The following ITGAV variants were observed in gnomAD, a reference collection of about 807,000 sequenced individuals.
The protein encoded by ITGAV is integrin subunit alpha V.
In ITGAV, 76 loss-of-function variants were observed where a neutral mutation model predicts 143.8. The observed-to-expected ratio is 0.53, with a 90% CI of 0.44 to 0.64. The LOEUF is 0.64. Among genes scored for constraint, ITGAV ranks in the 30% least tolerant of loss-of-function variants. The pLI, the probability that ITGAV is intolerant of heterozygous loss-of-function variation, is 0.00. For missense variants in ITGAV, 1,193 were observed against 1,274.7 expected (o/e 0.94, Z 0.98); for synonymous variants, 453 against 446.7 (o/e 1.01, Z -0.18).
chr2:186,667,574 TTTTA>T (rs1559067722), intron 23 of ITGAV, 93 bp from the exon 24 acceptor site: 3 of 564,438 alleles, frequency 5.3e-6, no homozygotes, highest in South Asian at 4.1e-5. Flanking sequence ...TTAAATCTAA[TTTTA>T]TTTATTTGAG....
In ITGAV at chr2:186,680,357, T is replaced by G. The variant is rs1271183522; in HGVS notation, c.*3065T>G. 6.6e-6 allele frequency: 1 copy of G among 152,574 alleles called. No homozygotes were observed. The highest frequency in any genetic ancestry group is 1.5e-5 in the Non-Finnish European group (1 of 67,984). 9.5% of individuals were successfully genotyped at this position (152,574 alleles called of 1,614,324 possible). ...TTTGTTGGTTGGCTGGTTTGAACGA[T>G]AGAAATATGCAGCATGCAATATATG... On this transcript the variant is annotated 3_prime_UTR_variant, in exon 30 of 30. Coordinates refer to ENST00000261023, the MANE Select transcript of ITGAV (RefSeq NM_002210.5).
chr2:186,624,962 A>AT (rs397732870), intron 3 of ITGAV, among the ~76,000 whole-genome samples: 1 of 151,538 alleles, frequency 6.6e-6, no homozygotes, highest in African/African-American at 2.4e-5. Context: ...GAAAAAAAAA[A>AT]TTGGACTACA....
At chr2:186,664,915 C>T (rs1285889273) in intron 20 of ITGAV, among the ~76,000 whole-genome samples, 1 of 152,132 alleles carries the variant, frequency 6.6e-6, no homozygotes, top group Non-Finnish European at 1.5e-5. Flanking sequence ...TTGTCAGAGG[C>T]TGTATGGTTT....
chr2:186,663,683 C>A, intron 18 of ITGAV, 85 bp from the exon 19 acceptor site: 1 of 927,490 alleles, frequency 1.1e-6, no homozygotes, highest in Non-Finnish European at 1.7e-6. Flanking sequence ...TACATATAGG[C>A]TTAACCACAT....
chr2:186,641,019 T>C, intron 11 of ITGAV, 52 bp downstream of exon 11: 1 of 1,306,988 alleles, frequency 7.7e-7, no homozygotes, highest in Non-Finnish European at 1.1e-6. Flanking sequence ...TGTTTACGAA[T>C]ACTTTACTCA....
chr2:186,680,417 A>G lies in ITGAV; in HGVS notation c.*3125A>G, dbSNP rs201544664. Reference sequence around the variant, plus strand: ...CATTTTAATTTCTGATATATAATGAACTTCTTGGGAGAGGTACTGAATCTT... The same window carrying G: ...CATTTTAATTTCTGATATATAATGAGCTTCTTGGGAGAGGTACTGAATCTT... On this transcript the variant is annotated 3_prime_UTR_variant, in exon 30 of 30. Coordinates refer to ENST00000261023, the MANE Select transcript of ITGAV (RefSeq NM_002210.5). 6.6e-6 allele frequency: 1 copy of G among 152,500 alleles called. No individual in the cohort carries two copies. Among genetic ancestry groups the G allele is most frequent in the Non-Finnish European group, 1.5e-5 (1 of 67,962 alleles). The allele number at this position is 152,500 out of a possible 1,614,324, so 9.4% of individuals were successfully genotyped here. A position where few individuals can be genotyped will look rare whatever the true frequency, so the allele number is the denominator to read the frequency against.
intron 24 of ITGAV, 32 bp downstream of exon 24, chr2:186,667,808 G>T: frequency 1.4e-6 from 2 of 1,406,962 alleles, no homozygotes; most frequent in Admixed American, 1.8e-5. Flanking sequence ...CTCAAACCTC[G>T]TGAGCAAGCC....
intron 7 of ITGAV, among the ~76,000 whole-genome samples, chr2:186,636,720 A>C (rs34980163): frequency 0.76 from 116,244 of 152,100 alleles, 44,964 homozygotes; most frequent in African/African-American, 0.9. Context: ...CAATTTCTTT[A>C]TGATATATTA....
At chr2:186,601,245 T>G (rs1290943106) in intron 1 of ITGAV, among the ~76,000 whole-genome samples, 2 of 151,676 alleles carry the variant, frequency 1.3e-5, no homozygotes, top group Non-Finnish European at 2.9e-5. Flanking sequence ...AATAGTCAAC[T>G]ATTAAAAAAA....
chr2:186,667,813 C>A, intron 24 of ITGAV, 37 bp downstream of exon 24: 5 of 1,359,678 alleles, frequency 3.7e-6, no homozygotes, highest in South Asian at 1.4e-5. Flanking sequence ...ACCTCGTGAG[C>A]AAGCCAACGA....
At chr2:186,620,884 G>C (rs533634021) in intron 2 of ITGAV, among the ~76,000 whole-genome samples, 1 of 152,048 alleles carries the variant, frequency 6.6e-6, no homozygotes, top group East Asian at 1.9e-4. Context: ...GGAGAAAAAC[G>C]TACATATATT....
At chr2:186,657,735 C>G (rs1688629846) in intron 17 of ITGAV, among the ~76,000 whole-genome samples, 1 of 151,954 alleles carries the variant, frequency 6.6e-6, no homozygotes, top group African/African-American at 2.4e-5. Flanking sequence ...AACCTTGGGC[C>G]AGTACATAGG....
chr2:186,676,664 T>C (rs1308245835), intron 28 of ITGAV, 149 bp from the exon 29 acceptor site: 5 of 748,684 alleles, frequency 6.7e-6, no homozygotes, highest in Non-Finnish European at 8.2e-6. Context: ...GTGCATGCTC[T>C]TGATATCAAA....
chr2:186,667,359 C>T lies in ITGAV; in HGVS notation c.2327+129C>T, dbSNP rs1688929332. 1.2e-5 allele frequency: 8 copies of T among 654,822 alleles called. No homozygotes were observed. In the East Asian group the frequency reaches 2.2e-4, roughly 18 times the overall value. The allele number at this position is 654,822 out of a possible 1,614,324, so 40.6% of individuals were successfully genotyped here. On this transcript the variant is annotated intron_variant, in intron 23 of 29. Transcript: ENST00000261023. ...GGTGGTTTTACTAGGGCATTAGCTT[C>T]TGTAGAAATAAAATCCTAGGTATGT...
chr2:186,679,827 G>C lies in ITGAV; in HGVS notation c.*2535G>C, dbSNP rs1165611192. The C allele has an allele frequency of 6.6e-6, 1 of 151,846 alleles. No homozygotes were observed. Among genetic ancestry groups the C allele is most frequent in the Non-Finnish European group, 1.5e-5 (1 of 67,864 alleles). The allele number at this position is 151,846 out of a possible 1,614,324, so 9.4% of individuals were successfully genotyped here. On this transcript the variant is annotated 3_prime_UTR_variant, in exon 30 of 30. Coordinates refer to ENST00000261023, the MANE Select transcript of ITGAV (RefSeq NM_002210.5). Reference sequence around the variant, plus strand: ...ATCACTGTAATTCTGAATCTGAAAGGTAAAACAATTAGTCAAAATATTATT... The same window carrying C: ...ATCACTGTAATTCTGAATCTGAAAGCTAAAACAATTAGTCAAAATATTATT...
chr2:186,650,772 G>A (rs1316934357), intron 14 of ITGAV, among the ~76,000 whole-genome samples: 1 of 151,478 alleles, frequency 6.6e-6, no homozygotes, highest in Non-Finnish European at 1.5e-5. Flanking sequence ...CTGGTCTTGA[G>A]CTCCTGGGCT....
intron 25 of ITGAV, 87 bp from the exon 26 acceptor site, chr2:186,669,614 A>G: frequency 5.9e-6 from 5 of 852,202 alleles, no homozygotes; most frequent in Non-Finnish European, 9.4e-6. Flanking sequence ...CTATTTTTTA[A>G]TCATATCTAA....
At position 186,677,610 on chromosome 2, in the gene ITGAV, C is replaced by T. The variant is rs1277796544; in HGVS notation, c.*318C>T. The T allele has an allele frequency of 5.0e-6, 1 of 200,576 alleles. No homozygotes were observed. Among genetic ancestry groups the T allele is most frequent in the Non-Finnish European group, 1.0e-5 (1 of 97,582 alleles). 12.4% of individuals were successfully genotyped at this position (200,576 alleles called of 1,614,324 possible). ...TATAAAATAGTACCTCCTTCAGTTA[C>T]TGTTTCTGATTTAATGTACGGAACT... On this transcript the variant is annotated 3_prime_UTR_variant, in exon 30 of 30. Coordinates refer to ENST00000261023, the MANE Select transcript of ITGAV (RefSeq NM_002210.5).
chr2:186,626,977 C>T (rs192700404), intron 4 of ITGAV, among the ~76,000 whole-genome samples: 14 of 152,136 alleles, frequency 9.2e-5, no homozygotes, highest in Admixed American at 7.9e-4. Flanking sequence ...TTTATAGCTA[C>T]GAAGAATGAG....
Sources: allele counts gnomAD v4.1 joint callset (sites outside exome capture counted in the v4.1 genomes callset), GRCh38; gene constraint gnomAD v4.1.1; transcripts MANE v1.5; gene names NCBI Gene and HGNC (gene_info 2026-07-23, HGNC 2026-07-21).